Variants in FAM13B observed in about 807,000 individuals in gnomAD.
FAM13B encodes the protein family with sequence similarity 13 member B, also known as protein FAM13B.
FAM13B carries 60 observed loss-of-function variants against 117.3 expected under a neutral mutation model. The ratio of observed to expected loss-of-function variants is 0.51; its 90% CI spans 0.42 to 0.63. The LOEUF (loss-of-function observed/expected upper bound fraction) is 0.63. Among genes scored for constraint, FAM13B ranks in the 30% least tolerant of loss-of-function variants. FAM13B has a pLI of 0.00. For synonymous variants in FAM13B, 332 were observed against 356.1 expected, an observed-to-expected ratio of 0.93 and a Z score of 0.76; for missense variants, 972 against 1,091.9, an observed-to-expected ratio of 0.89 and a Z score of 1.55.
At chr5:137,979,859 A>AC in intron 10 of FAM13B, among the ~76,000 whole-genome samples, 1 of 152,180 alleles carries the variant, frequency 6.6e-6, no homozygotes, top group Non-Finnish European at 1.5e-5. Flanking sequence ...CTAGATTATC[A>AC]AGTCATTGAA....
chr5:137,985,204 C>T, intron 10 of FAM13B, 53 bp downstream of exon 10: 2 of 1,570,368 alleles, frequency 1.3e-6, no homozygotes, highest in Non-Finnish European at 1.7e-6. Context: ...ATCAAAGAAA[C>T]ACATGAAGCA....
intron 10 of FAM13B, among the ~76,000 whole-genome samples, chr5:137,964,353 CATCT>C (rs1270647256): frequency 2.0e-5 from 3 of 151,796 alleles, no homozygotes; most frequent in Non-Finnish European, 4.4e-5. Flanking sequence ...TCAAGTGATC[CATCT>C]GTCTTCAGCC....
At chr5:137,983,176 T>TTAAAAAA (rs1776254227) in intron 10 of FAM13B, among the ~76,000 whole-genome samples, 1 of 75,118 alleles carries the variant, frequency 1.3e-5, no homozygotes, top group African/African-American at 5.7e-5. Context: ...CCAGTGTAGG[T>TTAAAAAA]AAAAAAAAAA....
At chr5:137,956,454 A>G (rs1349275826) in intron 14 of FAM13B, 23 bp downstream of exon 14, 3 of 1,503,796 alleles carry the variant, frequency 2.0e-6, no homozygotes, top group Non-Finnish European at 2.7e-6. Context: ...CAAAAAAACT[A>G]AACTATGGTG....
intron 1 of FAM13B, among the ~76,000 whole-genome samples, chr5:138,022,514 G>T (rs1414459120): frequency 6.6e-6 from 1 of 152,086 alleles, no homozygotes; most frequent in East Asian, 1.9e-4. Context: ...CTGAAGGGAA[G>T]GAAAACCACA....
intron 1 of FAM13B, among the ~76,000 whole-genome samples, chr5:138,051,083 A>G (rs1219781680): frequency 1.3e-5 from 2 of 152,154 alleles, no homozygotes; most frequent in Admixed American, 1.3e-4. Context: ...ACTTCCCCCA[A>G]AAGTAAACCT....
At chr5:137,978,964 T>C (rs1237915438) in intron 10 of FAM13B, among the ~76,000 whole-genome samples, 1 of 152,088 alleles carries the variant, frequency 6.6e-6, no homozygotes, top group Non-Finnish European at 1.5e-5. Context: ...ATTTTCACCT[T>C]TGGAATTTTC....
At chr5:138,036,126 C>T (rs545468952), upstream of FAM13B, 187 of 337,308 alleles carry the variant, frequency 5.5e-4, 2 homozygotes, top group South Asian at 4.3e-3. Context: ...ACTCCGTACC[C>T]TAGGGGGTGC....
In FAM13B at chr5:137,943,058, G is replaced by C. The variant is rs193074573; in HGVS notation, c.2425-20C>G. On this transcript the variant is annotated intron_variant, in intron 21 of 23. Coordinates refer to ENST00000689681, the MANE Select transcript of FAM13B (RefSeq NM_001385994.1). ...TTCCTCCTAAAAAGATATCCAAACA[G>C]AGAATCAAACATGCCTTGTCTTTGA... 6.2e-7 allele frequency: 1 copy of C among 1,612,612 alleles called. No homozygotes were observed. The highest frequency in any genetic ancestry group is 1.7e-5 in the Admixed American group (1 of 59,718).
At chr5:138,031,742 C>T (rs10054600) in intron 1 of FAM13B, among the ~76,000 whole-genome samples, 149,231 of 152,176 alleles carry the variant, frequency 0.98, 73,238 homozygotes, top group Middle Eastern at 1. Context: ...AATTATCAGT[C>T]CATTCAATTC....
At chr5:138,002,982 C>T (rs905479074) in intron 7 of FAM13B, among the ~76,000 whole-genome samples, 3 of 151,984 alleles carry the variant, frequency 2.0e-5, no homozygotes. Flanking sequence ...CCTGTTCCCT[C>T]TAACTAGCTG....
chr5:137,960,002 T>C (rs1480214988), intron 12 of FAM13B, among the ~76,000 whole-genome samples, 164 bp downstream of exon 12: 1 of 152,190 alleles, frequency 6.6e-6, no homozygotes, highest in East Asian at 1.9e-4. Flanking sequence ...ACCAAGTCTC[T>C]TGTAACCAAA....
chr5:137,998,031 T>C (rs996461225), intron 7 of FAM13B, among the ~76,000 whole-genome samples: 2 of 152,174 alleles, frequency 1.3e-5, no homozygotes, highest in African/African-American at 4.8e-5. Context: ...CTGTATCATA[T>C]CCAAATAAGG....
intron 1 of FAM13B, among the ~76,000 whole-genome samples, chr5:138,031,406 G>A (rs1337382328): frequency 6.6e-6 from 1 of 152,120 alleles, no homozygotes. Context: ...GTAAGAAGGG[G>A]GCAAGGCACG....
chr5:138,006,305 C>T (rs1363137220), intron 7 of FAM13B, among the ~76,000 whole-genome samples: 1 of 152,130 alleles, frequency 6.6e-6, no homozygotes, highest in African/African-American at 2.4e-5. Flanking sequence ...GGTTAGTAAA[C>T]CATGGAGCTT....
intron 18 of FAM13B, among the ~76,000 whole-genome samples, chr5:137,947,200 T>C (rs2150158840): frequency 6.6e-6 from 1 of 152,342 alleles, no homozygotes; most frequent in South Asian, 2.1e-4. Flanking sequence ...TCTCTACTTA[T>C]TCCCAGGACT....
chr5:137,942,710 G>T, intron 22 of FAM13B, 165 bp downstream of exon 22: 1 of 588,624 alleles, frequency 1.7e-6, no homozygotes, highest in Non-Finnish European at 2.8e-6. Context: ...ATTTAAAAAT[G>T]GGAATGACAA....
chr5:138,022,978 C>T (rs527324719), intron 1 of FAM13B, among the ~76,000 whole-genome samples: 1 of 151,992 alleles, frequency 6.6e-6, no homozygotes, highest in African/African-American at 2.4e-5. Context: ...CATGTACACA[C>T]CACCATACCC....
At position 137,988,334 on chromosome 5, in the gene FAM13B, A is replaced by T. The variant is rs900192809; in HGVS notation, c.849-19T>A. The T allele has an allele frequency of 1.3e-6, 2 of 1,555,328 alleles. No homozygotes were observed. The highest frequency in any genetic ancestry group is 1.7e-4 in the Middle Eastern group (1 of 5,720). Reference sequence around the variant, plus strand: ...ATGGGTGCTGCAATCAAAGAAAGAAATTAGCTATAAAAATGTTCAATACTT... The same window carrying T: ...ATGGGTGCTGCAATCAAAGAAAGAATTTAGCTATAAAAATGTTCAATACTT... On this transcript the variant is annotated intron_variant, in intron 7 of 23. Transcript: ENST00000689681.
Sources: allele counts gnomAD v4.1 joint callset (sites outside exome capture counted in the v4.1 genomes callset), GRCh38; gene constraint gnomAD v4.1.1; transcripts MANE v1.5; gene names NCBI Gene and HGNC (gene_info 2026-07-23, HGNC 2026-07-21).